The following ZMYM2 variants were observed in gnomAD, a reference collection of about 807,000 sequenced individuals.
The protein encoded by ZMYM2 is zinc finger MYM-type containing 2, also known as zinc finger MYM-type protein 2.
ZMYM2 carries 56 observed loss-of-function variants against 162.8 expected under a neutral mutation model. That is an observed-to-expected ratio of 0.34 (90% confidence interval 0.28 to 0.43). ZMYM2 has a LOEUF of 0.43. Among genes scored for constraint, ZMYM2 ranks in the 20% least tolerant of loss-of-function variants. The pLI is 1.00. For missense variants in ZMYM2, 1,275 were observed against 1,621.8 expected (o/e 0.79, Z 3.67); for synonymous variants, 510 against 541.6 (o/e 0.94, Z 0.81).
chr13:19,895,585 C>T, the ZMYM2 span, among the ~76,000 whole-genome samples: 3 of 151,716 alleles, frequency 2.0e-5, no homozygotes, highest in African/African-American at 7.3e-5. Context: ...GCTGCCAGTT[C>T]CCTTCCCATG....
In ZMYM2 at chr13:19,987,300, G is replaced by A. The variant is rs551015022; in HGVS notation, c.-10-5763G>A. Among the ~76,000 whole-genome samples, 47 of 151,342 alleles carry A rather than the reference G, an allele frequency of 3.1e-4. 1 individual carries two copies. The East Asian group carries it at 6.3e-3, about 20-fold the overall frequency. On this transcript the variant is annotated intron_variant, in intron 2 of 24. Coordinates refer to ENST00000610343, the MANE Select transcript of ZMYM2 (RefSeq NM_197968.4). The stretch of plus-strand genomic sequence containing the variant: ...TTTTCTTGAGACAGAGTCTCTCACC[G>A]TCGCCCAGGCTGGAGTGCAGTGGCG...
At chr13:20,080,677 A>G (rs1423979110) in intron 21 of ZMYM2, among the ~76,000 whole-genome samples, 1 of 151,944 alleles carries the variant, frequency 6.6e-6, no homozygotes, top group Non-Finnish European at 1.5e-5. Flanking sequence ...TTTTGTAGAG[A>G]CGGGGTTTCA....
At chr13:19,972,190 C>T (rs922334759) in intron 2 of ZMYM2, among the ~76,000 whole-genome samples, 7 of 152,236 alleles carry the variant, frequency 4.6e-5, no homozygotes, top group African/African-American at 1.7e-4. Flanking sequence ...TTTTTAGTAG[C>T]TGAGTACATG....
intron 3 of ZMYM2, among the ~76,000 whole-genome samples, chr13:19,996,703 T>G (rs1388908436): frequency 6.6e-6 from 1 of 151,844 alleles, no homozygotes; most frequent in Non-Finnish European, 1.5e-5. Context: ...GGCGACAGAC[T>G]GAGACTCTGT....
intron 2 of ZMYM2, among the ~76,000 whole-genome samples, chr13:19,966,114 GTTT>G (rs1166436755): frequency 7.4e-6 from 1 of 135,020 alleles, no homozygotes; most frequent in Admixed American, 7.5e-5. Context: ...ATATTTGCTT[GTTT>G]TTTTTTTTGT....
chr13:19,956,493 A>G (rs1954523918), upstream of ZMYM2, among the ~76,000 whole-genome samples: 1 of 152,236 alleles, frequency 6.6e-6, no homozygotes, highest in African/African-American at 2.4e-5. Context: ...CTGCTTTTTA[A>G]CATTATGACA....
At chr13:20,076,970 G>A (rs1957550871) in intron 21 of ZMYM2, among the ~76,000 whole-genome samples, 4 of 150,176 alleles carry the variant, frequency 2.7e-5, no homozygotes, top group African/African-American at 1.0e-4. Context: ...CGAGTACCTG[G>A]GACTACAGGC....
intron 6 of ZMYM2, among the ~76,000 whole-genome samples, chr13:20,011,957 C>T (rs1188785189): frequency 2.0e-5 from 3 of 152,008 alleles, no homozygotes; most frequent in Non-Finnish European, 4.4e-5. Context: ...ACCTTGATGG[C>T]CAAGCTGGTT....
the ZMYM2 span, among the ~76,000 whole-genome samples, chr13:19,906,777 T>G: frequency 6.6e-6 from 1 of 152,076 alleles, no homozygotes; most frequent in African/African-American, 2.4e-5. Context: ...CCAAGGCTGG[T>G]CTTGAACTTG....
At chr13:19,891,037 G>C in the ZMYM2 span, among the ~76,000 whole-genome samples, 20 of 151,762 alleles carry the variant, frequency 1.3e-4, no homozygotes, top group Admixed American at 1.3e-3. Context: ...ATGATGTAAG[G>C]TGTGCATTTA....
chr13:19,940,643 C>T, the ZMYM2 span, among the ~76,000 whole-genome samples: 3 of 152,188 alleles, frequency 2.0e-5, no homozygotes, highest in Middle Eastern at 3.2e-3. Flanking sequence ...AGAGATCAAA[C>T]TAAACCCACT....
chr13:20,029,760 G>A (rs1232425344), intron 9 of ZMYM2, among the ~76,000 whole-genome samples: 1 of 151,998 alleles, frequency 6.6e-6, no homozygotes, highest in Non-Finnish European at 1.5e-5. Context: ...GAAAAAATCT[G>A]TCAGTGTCCA....
At chr13:19,894,597 G>A in the ZMYM2 span, among the ~76,000 whole-genome samples, 4 of 151,850 alleles carry the variant, frequency 2.6e-5, no homozygotes, top group African/African-American at 9.7e-5. Flanking sequence ...CACCTGCCTT[G>A]GCCTCCCAAA....
intron 6 of ZMYM2, among the ~76,000 whole-genome samples, chr13:20,009,795 C>G (rs565401162): frequency 6.6e-6 from 1 of 152,132 alleles, no homozygotes; most frequent in Non-Finnish European, 1.5e-5. Context: ...ATGCCACATT[C>G]TGTTTATCGA....
intron 12 of ZMYM2, among the ~76,000 whole-genome samples, chr13:20,048,570 G>T (rs1426895129): frequency 1.3e-5 from 2 of 151,924 alleles, no homozygotes; most frequent in Non-Finnish European, 2.9e-5. Flanking sequence ...AATTAGGTTT[G>T]TTTGGTGAAA....
chr13:19,975,861 A>AATGTATGTATGTATGT lies in ZMYM2; in HGVS notation c.-11+15865_-11+15880dup, dbSNP rs71070281. On this transcript the variant is annotated intron_variant, in intron 2 of 24. Transcript: ENST00000610343. ...TTTAAAATTTTTCCTCCATTTTTAA[A>AATGTATGTATGTATGT]ATGTATGTATGTATGTATGTATGTA... 2.7e-3 allele frequency among the ~76,000 whole-genome samples: 395 copies of AATGTATGTATGTATGT among 147,006 alleles called. 2 individuals are homozygous for AATGTATGTATGTATGT. Among genetic ancestry groups the AATGTATGTATGTATGT allele is most frequent in the Middle Eastern group, 0.017 (5 of 290 alleles).
chr13:19,946,498 A>G, the ZMYM2 span, among the ~76,000 whole-genome samples: 2 of 152,244 alleles, frequency 1.3e-5, no homozygotes, highest in African/African-American at 2.4e-5. Context: ...TTCTATAATC[A>G]TTAGCGATGG....
At chr13:20,081,749 TGACA>T (rs1270850444) in intron 21 of ZMYM2, among the ~76,000 whole-genome samples, 1 of 152,114 alleles carries the variant, frequency 6.6e-6, no homozygotes, top group African/African-American at 2.4e-5. Context: ...TTTTTCTGTC[TGACA>T]GACTGAAGAT....
the ZMYM2 span, among the ~76,000 whole-genome samples, chr13:19,919,268 T>TGCA: frequency 6.6e-6 from 1 of 152,178 alleles, no homozygotes; most frequent in Admixed American, 6.6e-5. Flanking sequence ...TTTTTTTGTT[T>TGCA]CCAGCTTTTG....
Sources: allele counts gnomAD v4.1 joint callset (sites outside exome capture counted in the v4.1 genomes callset), GRCh38; gene constraint gnomAD v4.1.1; transcripts MANE v1.5; gene names NCBI Gene and HGNC (gene_info 2026-07-23, HGNC 2026-07-21).